The following PAK5 variants were observed in gnomAD, a reference collection of about 807,000 sequenced individuals.
PAK5 encodes the protein p21 (RAC1) activated kinase 5.
Under a neutral mutation model 65.9 loss-of-function variants are expected in PAK5, and 16 were observed. That is an observed-to-expected ratio of 0.24 (90% CI 0.16 to 0.37). The LOEUF is 0.37. Ranked by LOEUF, PAK5 falls within the 10% of genes least tolerant of loss-of-function variation. The pLI is 1.00. For synonymous variants in PAK5, 371 were observed against 354.9 expected (o/e 1.05, Z -0.51); for missense variants, 785 against 903.9 (o/e 0.87, Z 1.69).
intron 2 of PAK5, among the ~76,000 whole-genome samples, chr20:9,654,556 A>G (rs566788834): frequency 2.6e-5 from 4 of 152,180 alleles, no homozygotes; most frequent in Non-Finnish European, 5.9e-5. Context: ...TGCCCCTCCC[A>G]AGCAGTTTTC....
At chr20:9,542,751 G>T in intron 8 of PAK5, 31 bp from the exon 9 acceptor site, 3 of 1,604,040 alleles carry the variant, frequency 1.9e-6, no homozygotes, top group Non-Finnish European at 2.6e-6. Flanking sequence ...GTTATCTCAG[G>T]CAAGGAGAAC....
intron 1 of PAK5, among the ~76,000 whole-genome samples, chr20:9,816,610 G>A (rs2049360092): frequency 6.6e-6 from 1 of 152,060 alleles, no homozygotes; most frequent in Non-Finnish European, 1.5e-5. Context: ...CCTGTTCTCT[G>A]CACTCCTGGT....
intron 2 of PAK5, among the ~76,000 whole-genome samples, chr20:9,676,985 C>T (rs1369615620): frequency 6.6e-6 from 1 of 151,408 alleles, no homozygotes; most frequent in South Asian, 2.1e-4. Flanking sequence ...TATCTAAAGA[C>T]AGAGGAAAAT....
At chr20:9,627,747 C>A (rs1200394952) in intron 3 of PAK5, among the ~76,000 whole-genome samples, 5 of 152,108 alleles carry the variant, frequency 3.3e-5, no homozygotes. Flanking sequence ...CTGCCTCAGC[C>A]TCCCGAGTAG....
At chr20:9,587,306 C>A (rs2046087402) in intron 3 of PAK5, among the ~76,000 whole-genome samples, 2 of 152,064 alleles carry the variant, frequency 1.3e-5, no homozygotes, top group Non-Finnish European at 2.9e-5. Context: ...ACTTTAGATA[C>A]AAAATACATA....
rs1326451619 is a variant in PAK5, at chr20:9,566,246, A to G, written c.1129T>C (p.Tyr377His). ...TGATGGTACAAGGTGGCTTTGTGGTACCCAGACGGGTACTGGTGACTGCTT... is the reference window on the plus strand; with the variant it reads ...TGATGGTACAAGGTGGCTTTGTGGTGCCCAGACGGGTACTGGTGACTGCTT... ...SSSSHQYPSG[Y>H]HKATLYHHPS... Residue 377 changes from tyrosine (Y) to histidine (H), a missense_variant, in exon 5 of 10, where the codon TAC becomes CAC. Around this residue, in one of 4 missense-constraint regions of PAK5, gnomAD observed 422 missense variants for 413.3 expected, o/e 1.02. Transcript: ENST00000353224. 2 of 1,613,388 alleles carry G rather than the reference A, an allele frequency of 1.2e-6. No individual in the cohort carries two copies. Among genetic ancestry groups the G allele is most frequent in the Non-Finnish European group, 8.5e-7 (1 of 1,179,934 alleles).
intron 2 of PAK5, among the ~76,000 whole-genome samples, chr20:9,705,928 T>TA (rs1313207380): frequency 3.3e-5 from 5 of 152,114 alleles, no homozygotes; most frequent in African/African-American, 1.2e-4. Context: ...AACTTCACAG[T>TA]AAAATCTGCT....
intron 5 of PAK5, among the ~76,000 whole-genome samples, chr20:9,565,259 G>A (rs2122988516): frequency 6.6e-6 from 1 of 152,118 alleles, no homozygotes; most frequent in African/African-American, 2.4e-5. Context: ...ATATAGAAAG[G>A]AAACACTGAA....
chr20:9,742,544 C>A (rs566685502), intron 1 of PAK5, among the ~76,000 whole-genome samples: 124 of 152,244 alleles, frequency 8.1e-4, no homozygotes, highest in African/African-American at 2.9e-3. Flanking sequence ...AGCAAATATA[C>A]CAATTTCTGT....
intron 3 of PAK5, among the ~76,000 whole-genome samples, chr20:9,589,918 G>A (rs1192940945): frequency 6.6e-6 from 1 of 152,064 alleles, no homozygotes; most frequent in Non-Finnish European, 1.5e-5. Flanking sequence ...ATAAAGGTAA[G>A]GCATCTGTCT....
At chr20:9,579,629 G>C (rs2045943575) in intron 4 of PAK5, among the ~76,000 whole-genome samples, 1 of 152,302 alleles carries the variant, frequency 6.6e-6, no homozygotes, top group South Asian at 2.1e-4. Flanking sequence ...AAATATAGTA[G>C]AAAGTACATA....
chr20:9,834,763 G>A (rs1278681749), intron 1 of PAK5, among the ~76,000 whole-genome samples: 1 of 151,982 alleles, frequency 6.6e-6, no homozygotes, highest in Non-Finnish European at 1.5e-5. Context: ...TATAACAGAA[G>A]CTCAACAAAT....
At chr20:9,762,690 A>G (rs548845011) in intron 1 of PAK5, among the ~76,000 whole-genome samples, 12 of 152,260 alleles carry the variant, frequency 7.9e-5, no homozygotes, top group Admixed American at 2.6e-4. Flanking sequence ...TAGTACATCC[A>G]TTATGGAAAA....
At chr20:9,740,210 A>G (rs1019850864) in intron 1 of PAK5, among the ~76,000 whole-genome samples, 35 of 152,320 alleles carry the variant, frequency 2.3e-4, no homozygotes, top group African/African-American at 8.2e-4. Flanking sequence ...CTGCTGGCAG[A>G]GAACAAGGTG....
At chr20:9,776,746 C>G (rs892630694) in intron 1 of PAK5, among the ~76,000 whole-genome samples, 2 of 152,134 alleles carry the variant, frequency 1.3e-5, no homozygotes, top group African/African-American at 4.8e-5. Flanking sequence ...CCACCAACCC[C>G]CAAGCCCCAG....
In PAK5 at chr20:9,538,347, C is replaced by T. The variant is rs1008039190; in HGVS notation, c.*1115G>A. 14 of 233,450 alleles carry T rather than the reference C, an allele frequency of 6.0e-5. No homozygotes were observed. The highest frequency in any genetic ancestry group is 1.2e-3 in the Middle Eastern group (1 of 808). The allele number at this position is 233,450 out of a possible 1,614,324, so 14.5% of individuals were successfully genotyped here. The stretch of plus-strand genomic sequence containing the variant: ...TTCCAGCACGATACATGAACAATAG[C>T]GATTAATACTGTGGTACAAAGGTAA... On this transcript the variant is annotated 3_prime_UTR_variant, in exon 10 of 10. Transcript: ENST00000353224.
chr20:9,670,663 C>G (rs1170437899), intron 2 of PAK5, among the ~76,000 whole-genome samples: 2 of 152,170 alleles, frequency 1.3e-5, no homozygotes, highest in Non-Finnish European at 2.9e-5. Flanking sequence ...ATTGTAGATT[C>G]TGGATATTAG....
intron 1 of PAK5, among the ~76,000 whole-genome samples, chr20:9,820,650 C>T (rs937312704): frequency 1.3e-5 from 2 of 152,128 alleles, no homozygotes; most frequent in African/African-American, 4.8e-5. Context: ...TCTTCCAGTC[C>T]AATGGGACAA....
intron 8 of PAK5, 53 bp downstream of exon 8, chr20:9,544,316 G>A (rs1432610903): frequency 1.3e-6 from 2 of 1,581,078 alleles, no homozygotes; most frequent in African/African-American, 2.7e-5. Flanking sequence ...AGAACCAATG[G>A]GTCCCTGAGC....
Sources: gnomAD v4.1 joint callset for allele counts (sites outside exome capture counted in the v4.1 genomes callset) on GRCh38, gnomAD v4.1.1 for gene constraint, gnomAD v4.1.1 regional missense constraint, MANE v1.5 for transcripts, NCBI Gene and HGNC (gene_info 2026-07-23, HGNC 2026-07-21) for gene names.